SNX6: variants seen among roughly 807,000 people sequenced by gnomAD.
SNX6 encodes the protein sorting nexin 6.
SNX6 carries 34 observed loss-of-function variants against 63.0 expected under a neutral mutation model. The observed-to-expected ratio is 0.54, with a 90% CI of 0.41 to 0.72. The LOEUF (loss-of-function observed/expected upper bound fraction) is 0.72, where lower values mean the gene tolerates loss of function less well. SNX6 is among the 30% of genes least tolerant of loss of function. The probability of loss-of-function intolerance (pLI) is 0.00; values close to 1 mark genes in which losing one functional copy is unlikely to be tolerated. For missense variants in SNX6, 398 were observed against 471.4 expected (o/e 0.84, Z 1.44); for synonymous variants, 170 against 164.2 (o/e 1.04, Z -0.27).
At chr14:34,568,791 C>A in intron 11 of SNX6, 1 of 976,768 alleles carries the variant, frequency 1.0e-6, no homozygotes, top group Non-Finnish European at 1.6e-6. Flanking sequence ...CCTTTTCCAC[C>A]ATTTTTAGCC....
In SNX6 at chr14:34,604,282, A is replaced by C. The variant is rs892443443; in HGVS notation, c.393-811T>G. The C allele has an allele frequency of 8.0e-6, 10 of 1,256,724 alleles. No individual in the cohort carries two copies. The East Asian group carries it at 2.9e-4, about 36-fold the overall frequency. 77.8% of individuals were successfully genotyped at this position (1,256,724 alleles called of 1,614,324 possible). A position where few individuals can be genotyped will look rare whatever the true frequency, so the allele number is the denominator to read the frequency against. On this transcript the variant is annotated intron_variant, in intron 5 of 13. Coordinates refer to ENST00000362031, the MANE Select transcript of SNX6 (RefSeq NM_152233.4). Reference sequence around the variant, plus strand: ...GTTATCCAACCCCTAACCAGACCACAAAAGAATCATGATCAGGGCCACTGG... The same window carrying C: ...GTTATCCAACCCCTAACCAGACCACCAAAGAATCATGATCAGGGCCACTGG...
intron 2 of SNX6, among the ~76,000 whole-genome samples, chr14:34,621,570 A>T (rs1209809745): frequency 6.6e-6 from 1 of 152,184 alleles, no homozygotes; most frequent in Non-Finnish European, 1.5e-5. Flanking sequence ...CCTCAGCCTT[A>T]CAGATCTTAC....
intron 7 of SNX6, 38 bp downstream of exon 7, chr14:34,597,512 T>G: frequency 8.5e-7 from 1 of 1,170,662 alleles, no homozygotes; most frequent in Non-Finnish European, 1.3e-6. Context: ...TTAAAAGAAG[T>G]CTCAACTAAT....
chr14:34,594,487 G>A (rs1263400384), intron 7 of SNX6, among the ~76,000 whole-genome samples: 5 of 152,120 alleles, frequency 3.3e-5, no homozygotes, highest in African/African-American at 4.8e-5. Context: ...CCAAGTAGCT[G>A]GGACTACAGG....
At chr14:34,573,629 T>A (rs1296390254) in intron 11 of SNX6, among the ~76,000 whole-genome samples, 1 of 151,988 alleles carries the variant, frequency 6.6e-6, no homozygotes, top group African/African-American at 2.4e-5. Flanking sequence ...ACAGCTTTTT[T>A]TTTTTAATTA....
At chr14:34,617,361 T>C (rs1437762509) in intron 2 of SNX6, among the ~76,000 whole-genome samples, 1 of 152,150 alleles carries the variant, frequency 6.6e-6, no homozygotes, top group Non-Finnish European at 1.5e-5. Flanking sequence ...AGTAAAAGGC[T>C]GGGCACAGTA....
intron 11 of SNX6, among the ~76,000 whole-genome samples, chr14:34,571,565 C>T (rs527774470): frequency 6.6e-6 from 1 of 152,206 alleles, no homozygotes; most frequent in East Asian, 1.9e-4. Context: ...AAAAGTAAAA[C>T]TATGGAGACA....
chr14:34,579,103 T>C (rs1881837480), intron 10 of SNX6, among the ~76,000 whole-genome samples: 1 of 152,012 alleles, frequency 6.6e-6, no homozygotes, highest in Admixed American at 6.6e-5. Context: ...ACAATCATTA[T>C]GGGAAAGTTT....
chr14:34,621,951 CTTTTTTTTT>C (rs1037764907), intron 2 of SNX6, among the ~76,000 whole-genome samples: 1 of 77,408 alleles, frequency 1.3e-5, no homozygotes, highest in African/African-American at 5.8e-5. Flanking sequence ...CATGTCTTTC[CTTTTTTTTT>C]TTTTTTTTTT....
At chr14:34,609,592 G>T in intron 3 of SNX6, 46 bp downstream of exon 3, 1 of 1,196,762 alleles carries the variant, frequency 8.4e-7, no homozygotes, top group Non-Finnish European at 1.2e-6. Context: ...CACATATGTA[G>T]TATAATAAAT....
In SNX6 at chr14:34,577,596, G is replaced by A. The variant is rs1227966706; in HGVS notation, c.835-1754C>T. 3.3e-5 allele frequency among the ~76,000 whole-genome samples: 5 copies of A among 152,072 alleles called. No homozygotes were observed. The East Asian group carries it at 7.7e-4, about 23-fold the overall frequency. Reference sequence around the variant, plus strand: ...GTGAGATGGAAGGGGAAGTAGCCAGGTCAGACTAAAAAGATAGCTCTTCAG... The same window carrying A: ...GTGAGATGGAAGGGGAAGTAGCCAGATCAGACTAAAAAGATAGCTCTTCAG... On this transcript the variant is annotated intron_variant, in intron 10 of 13. Transcript: ENST00000362031.
At chr14:34,570,723 CTCT>C (rs1186786363) in intron 11 of SNX6, among the ~76,000 whole-genome samples, 24 of 58,090 alleles carry the variant, frequency 4.1e-4, no homozygotes, top group Non-Finnish European at 1.1e-3. Context: ...ACCTGGCCTT[CTCT>C]TTTTTTTTTT....
At chr14:34,601,879 G>C (rs1295162869) in intron 6 of SNX6, among the ~76,000 whole-genome samples, 1 of 150,490 alleles carries the variant, frequency 6.6e-6, no homozygotes, top group African/African-American at 2.4e-5. Context: ...ACAGGTTACA[G>C]GCATGAGCCA....
intron 6 of SNX6, among the ~76,000 whole-genome samples, chr14:34,598,383 T>C (rs1262225181): frequency 6.6e-6 from 1 of 152,160 alleles, no homozygotes; most frequent in African/African-American, 2.4e-5. Flanking sequence ...CCCCCTAAAG[T>C]TCACAGGATG....
rs187565199 is a variant in SNX6 at position 34,602,296 on chromosome 14, C to T, written c.516+1052G>A. 2.6e-5 allele frequency among the ~76,000 whole-genome samples: 4 copies of T among 152,048 alleles called. No homozygotes were observed. The East Asian group carries it at 7.8e-4, about 30-fold the overall frequency. On this transcript the variant is annotated intron_variant, in intron 6 of 13. Coordinates refer to ENST00000362031, the MANE Select transcript of SNX6 (RefSeq NM_152233.4). ...CAAAAATTATCTTGGCATGGTGGCG[C>T]ATTCCTGTAATCCCAGCTACTTGAG...
At chr14:34,576,514 T>C (rs900582959) in intron 10 of SNX6, among the ~76,000 whole-genome samples, 1 of 151,162 alleles carries the variant, frequency 6.6e-6, no homozygotes, top group African/African-American at 2.4e-5. Flanking sequence ...AGTGGCGCAA[T>C]CTCGGCTCAC....
intron 9 of SNX6, among the ~76,000 whole-genome samples, chr14:34,582,454 G>A (rs180695404): frequency 1.1e-3 from 173 of 152,052 alleles, no homozygotes; most frequent in Middle Eastern, 6.8e-3. Context: ...TGATCTGCCC[G>A]CAGTGGCCTC....
At chr14:34,569,474 C>T (rs1881343334) in intron 11 of SNX6, among the ~76,000 whole-genome samples, 2 of 151,640 alleles carry the variant, frequency 1.3e-5, no homozygotes, top group Admixed American at 1.3e-4. Context: ...GTTGCTTAGG[C>T]TGGAGTGCGG....
chr14:34,572,348 C>T (rs1881484724), intron 11 of SNX6, among the ~76,000 whole-genome samples: 1 of 152,046 alleles, frequency 6.6e-6, no homozygotes, highest in East Asian at 1.9e-4. Context: ...AACTTGAGCC[C>T]AGGAGTTTGC....
Sources: gnomAD v4.1 joint callset for allele counts (sites outside exome capture counted in the v4.1 genomes callset) on GRCh38, gnomAD v4.1.1 for gene constraint, MANE v1.5 for transcripts, NCBI Gene and HGNC (gene_info 2026-07-23, HGNC 2026-07-21) for gene names.